The following SIRT1 variants were observed in gnomAD, a reference collection of about 807,000 sequenced individuals.
The protein encoded by SIRT1 is NAD-dependent protein deacetylase sirtuin-1.
Under a neutral mutation model 67.9 loss-of-function variants are expected in SIRT1, and 24 were observed. The ratio of observed to expected loss-of-function variants is 0.35; its 90% CI spans 0.26 to 0.50. The LOEUF (loss-of-function observed/expected upper bound fraction) is 0.50. Among genes scored for constraint, SIRT1 ranks in the 20% least tolerant of loss-of-function variants. The pLI, the probability that SIRT1 is intolerant of heterozygous loss-of-function variation, is 0.98. For missense variants in SIRT1, 873 were observed against 937.2 expected (o/e 0.93, Z 0.89); for synonymous variants, 378 against 350.7 (o/e 1.08, Z -0.87).
In SIRT1 at chr10:67,884,940, G is replaced by T. The variant is rs1366858346; in HGVS notation, c.219G>T (p.Ala73=). Residue 73 remains alanine (A), a synonymous_variant, in exon 1 of 9, where the codon GCG becomes GCT. Coordinates refer to ENST00000212015, the MANE Select transcript of SIRT1 (RefSeq NM_012238.5). ...AARGCPGAAA[A]ALWREAEAEA... ...GGGGCTGCCCGGGTGCGGCGGCGGC[G>T]GCGCTGTGGCGGGAGGCGGAGGCAG... The T allele has an allele frequency of 3.7e-5, 46 of 1,251,136 alleles. No homozygotes were observed. Among genetic ancestry groups the T allele is most frequent in the Admixed American group, 4.2e-5 (1 of 23,582 alleles). The allele number at this position is 1,251,136 out of a possible 1,614,324, so 77.5% of individuals were successfully genotyped here.
intron 7 of SIRT1, among the ~76,000 whole-genome samples, chr10:67,909,675 A>G (rs901810692): frequency 6.6e-6 from 1 of 151,760 alleles, no homozygotes; most frequent in Non-Finnish European, 1.5e-5. Context: ...CCCGGGTTCA[A>G]GCGATTCTTC....
In SIRT1 at chr10:67,910,066, AT is replaced by A. The variant is rs566403292; in HGVS notation, c.1357+625del. Among the ~76,000 whole-genome samples, 8 of 151,384 alleles carry A rather than the reference AT, an allele frequency of 5.3e-5. No homozygotes were observed. The East Asian group carries it at 1.6e-3, about 30-fold the overall frequency. ...TGAGACTGGTGAATCTGACATTTTG[AT>A]GGGGGGTGGAGGGTTGTCAAAACGC... is the stretch of plus-strand genomic sequence containing the variant. On this transcript the variant is annotated intron_variant, in intron 7 of 8. Coordinates refer to ENST00000212015, the MANE Select transcript of SIRT1 (RefSeq NM_012238.5).
intron 8 of SIRT1, among the ~76,000 whole-genome samples, chr10:67,915,077 A>C (rs903775634): frequency 6.6e-6 from 1 of 151,878 alleles, no homozygotes; most frequent in Non-Finnish European, 1.5e-5. Context: ...TAATAGAGGG[A>C]AATAAGTGGT....
intron 4 of SIRT1, among the ~76,000 whole-genome samples, chr10:67,904,792 T>A (rs1425011947): frequency 2.0e-5 from 3 of 149,776 alleles, no homozygotes; most frequent in Non-Finnish European, 3.0e-5. Flanking sequence ...TGTGGTGAGC[T>A]GAGATCGCGC....
At chr10:67,905,398 T>C (rs918788005) in intron 4 of SIRT1, among the ~76,000 whole-genome samples, 1 of 152,178 alleles carries the variant, frequency 6.6e-6, no homozygotes, top group Admixed American at 6.5e-5. Flanking sequence ...TTGCAAAGAG[T>C]TATTCATGAA....
In SIRT1 at chr10:67,917,838, A is replaced by G. The variant is rs200653280; in HGVS notation, c.*1245A>G. ...ACTAGAGATCAACTTTCTCAGCTGCAAAAGCTTCTAGTCTTTCAAGAAGTT... is the reference window on the plus strand; with the variant it reads ...ACTAGAGATCAACTTTCTCAGCTGCGAAAGCTTCTAGTCTTTCAAGAAGTT... On this transcript the variant is annotated 3_prime_UTR_variant, in exon 9 of 9. Coordinates refer to ENST00000212015, the MANE Select transcript of SIRT1 (RefSeq NM_012238.5). The G allele has an allele frequency of 6.6e-6, 1 of 152,642 alleles. No homozygotes were observed. The highest frequency in any genetic ancestry group is 1.5e-5 in the Non-Finnish European group (1 of 68,038). 9.5% of individuals were successfully genotyped at this position (152,642 alleles called of 1,614,324 possible).
chr10:67,910,279 G>A (rs1231940156), intron 7 of SIRT1, among the ~76,000 whole-genome samples: 1 of 152,102 alleles, frequency 6.6e-6, no homozygotes. Flanking sequence ...GGAGGTTGGG[G>A]CATGAGAATC....
chr10:67,893,045 GT>G (rs1438091400), intron 4 of SIRT1, among the ~76,000 whole-genome samples: 10 of 152,244 alleles, frequency 6.6e-5, no homozygotes, highest in East Asian at 1.9e-4. Flanking sequence ...TTAGAAAACT[GT>G]TTTCTTTCCT....
At chr10:67,898,057 T>G (rs1267671343) in intron 4 of SIRT1, among the ~76,000 whole-genome samples, 51 of 148,440 alleles carry the variant, frequency 3.4e-4, no homozygotes, top group Non-Finnish European at 6.5e-4. Context: ...GTCAAAAGTT[T>G]GAGACCAGCC....
chr10:67,898,654 A>G (rs1842696158), intron 4 of SIRT1, among the ~76,000 whole-genome samples: 1 of 152,138 alleles, frequency 6.6e-6, no homozygotes, highest in Non-Finnish European at 1.5e-5. Context: ...TTGTAGCTGG[A>G]TTTATGTTAC....
intron 3 of SIRT1, among the ~76,000 whole-genome samples, chr10:67,889,336 A>G (rs1238747151): frequency 6.6e-6 from 1 of 152,248 alleles, no homozygotes; most frequent in African/African-American, 2.4e-5. Flanking sequence ...GCTTATTTAT[A>G]GCACAGTGGG....
intron 4 of SIRT1, among the ~76,000 whole-genome samples, chr10:67,901,849 G>A (rs535253749): frequency 6.6e-6 from 1 of 152,202 alleles, no homozygotes; most frequent in Non-Finnish European, 1.5e-5. Context: ...TTTATGTGGT[G>A]TACAACATGA....
intron 1 of SIRT1, among the ~76,000 whole-genome samples, chr10:67,885,802 A>G (rs1296334760): frequency 6.6e-6 from 1 of 152,046 alleles, no homozygotes; most frequent in Non-Finnish European, 1.5e-5. Flanking sequence ...TATTACTTTT[A>G]TTCTAATCTT....
intron 1 of SIRT1, among the ~76,000 whole-genome samples, chr10:67,886,481 TAG>T (rs1842482757): frequency 6.7e-6 from 1 of 148,276 alleles, no homozygotes; most frequent in African/African-American, 2.5e-5. Flanking sequence ...TCCCAGGTAC[TAG>T]AGTTCGAGGT....
intron 4 of SIRT1, among the ~76,000 whole-genome samples, chr10:67,901,335 C>T (rs1030152713): frequency 6.6e-6 from 1 of 151,970 alleles, no homozygotes; most frequent in Non-Finnish European, 1.5e-5. Flanking sequence ...GGGGTCTCGC[C>T]ATGTTGCCCA....
intron 1 of SIRT1, among the ~76,000 whole-genome samples, chr10:67,885,680 C>G (rs1376446513): frequency 6.6e-6 from 1 of 152,004 alleles, no homozygotes; most frequent in African/African-American, 2.4e-5. Flanking sequence ...AAAGCTGTTT[C>G]TATAGTCACA....
At chr10:67,885,950 T>TTC (rs1344241466) in intron 1 of SIRT1, among the ~76,000 whole-genome samples, 1 of 139,536 alleles carries the variant, frequency 7.2e-6, no homozygotes, top group African/African-American at 2.8e-5. Context: ...TCTTTTTTTT[T>TTC]TTTTTTTTTT....
At position 67,915,110 on chromosome 10, in the gene SIRT1, CTG is replaced by C. The variant is rs1479486750; in HGVS notation, c.1916-1152_1916-1151del. ...GGTTTTCACAGTGATTTGTAGTGGA[CTG>C]TGAAATTTTAGGGATTCAGGTCAGA... On this transcript the variant is annotated intron_variant, in intron 8 of 8. Transcript: ENST00000212015. 3.3e-5 allele frequency among the ~76,000 whole-genome samples: 5 copies of C among 152,060 alleles called. No homozygotes were observed. The South Asian group carries it at 1.0e-3, about 32-fold the overall frequency.
At position 67,912,629 on chromosome 10, in the gene SIRT1, G is replaced by A. The variant is rs909912033; in HGVS notation, c.1513G>A (p.Val505Ile). The A allele has an allele frequency of 3.7e-6, 6 of 1,613,930 alleles. No individual in the cohort carries two copies. The African/African-American group carries it at 8.0e-5, about 22-fold the overall frequency. ...ATATGCCAAACTTTGCTGTAACCCT[G>A]TAAAGCTTTCAGAAATTACTGAAAA... Reference protein sequence around the residue: ...GEYAKLCCNPVKLSEITEKPP... With the variant: ...GEYAKLCCNPIKLSEITEKPP... The change falls in exon 8 of 9, where the codon GTA becomes ATA. Residue 505 changes from valine (V) to isoleucine (I), a missense_variant. By Grantham distance (29) the Val-to-Ile change is conservative (BLOSUM62 3). Around this residue, in one of 3 missense-constraint regions of SIRT1, gnomAD observed 295 missense variants for 294.5 expected, o/e 1.00. Transcript: ENST00000212015.
Sources: allele counts gnomAD v4.1 joint callset (sites outside exome capture counted in the v4.1 genomes callset), GRCh38; gene constraint gnomAD v4.1.1; regional missense constraint gnomAD v4.1.1; transcripts MANE v1.5; gene names NCBI Gene and HGNC (gene_info 2026-07-23, HGNC 2026-07-21).